IMMP2L: variants seen among roughly 807,000 people sequenced by gnomAD.
The protein encoded by IMMP2L is mitochondrial inner membrane protease subunit 2.
In IMMP2L, 18 loss-of-function variants were observed where a neutral mutation model predicts 19.3. That is an observed-to-expected ratio of 0.93 (90% CI 0.64 to 1.38). IMMP2L has a LOEUF of 1.38. Ranked by LOEUF, IMMP2L falls within the 40% of genes most tolerant of loss-of-function variation. The pLI, the probability that IMMP2L is intolerant of heterozygous loss-of-function variation, is 0.00. For missense variants in IMMP2L, 233 were observed against 218.2 expected (o/e 1.07, Z -0.43); for synonymous variants, 76 against 73.0 (o/e 1.04, Z -0.21).
intron 3 of IMMP2L, among the ~76,000 whole-genome samples, chr7:111,284,654 T>C (rs546236110): frequency 6.6e-6 from 1 of 152,172 alleles, no homozygotes; most frequent in South Asian, 2.1e-4. Context: ...TTTAAAAATT[T>C]CACAAATAAG....
chr7:111,110,242 G>A (rs1437834545), intron 3 of IMMP2L, among the ~76,000 whole-genome samples: 1 of 152,138 alleles, frequency 6.6e-6, no homozygotes, highest in East Asian at 1.9e-4. Flanking sequence ...CATCATTAGG[G>A]AAAATGATAT....
At chr7:111,056,933 C>T (rs1301735399) in intron 3 of IMMP2L, among the ~76,000 whole-genome samples, 2 of 151,884 alleles carry the variant, frequency 1.3e-5, no homozygotes, top group African/African-American at 4.8e-5. Flanking sequence ...GCAGTTCAGC[C>T]CTGTGTTGCT....
At chr7:110,679,261 G>A (rs1402693018) in intron 5 of IMMP2L, among the ~76,000 whole-genome samples, 2 of 152,058 alleles carry the variant, frequency 1.3e-5, no homozygotes, top group African/African-American at 4.8e-5. Flanking sequence ...TCAAATCACT[G>A]GAGTTGAAGT....
At chr7:111,468,957 G>A (rs895768464) in intron 3 of IMMP2L, among the ~76,000 whole-genome samples, 1 of 152,108 alleles carries the variant, frequency 6.6e-6, no homozygotes, top group African/African-American at 2.4e-5. Context: ...TGAGAAGTCT[G>A]AGGAATATCA....
chr7:111,138,479 G>C (rs1802559564), intron 3 of IMMP2L, among the ~76,000 whole-genome samples: 1 of 152,124 alleles, frequency 6.6e-6, no homozygotes, highest in African/African-American at 2.4e-5. Context: ...CTTTAGTTGT[G>C]GTAGCTACTT....
chr7:111,036,969 A>T (rs898067209), intron 3 of IMMP2L, among the ~76,000 whole-genome samples: 1 of 152,196 alleles, frequency 6.6e-6, no homozygotes, highest in African/African-American at 2.4e-5. Flanking sequence ...TGCAACAGAA[A>T]AAATAAGCAT....
At chr7:111,309,633 T>C (rs913871458) in intron 3 of IMMP2L, among the ~76,000 whole-genome samples, 7 of 152,112 alleles carry the variant, frequency 4.6e-5, no homozygotes, top group African/African-American at 1.7e-4. Context: ...TGTATTTGGA[T>C]GAAAAAAAGA....
At chr7:111,214,764 A>G (rs1381901180) in intron 3 of IMMP2L, among the ~76,000 whole-genome samples, 1 of 149,310 alleles carries the variant, frequency 6.7e-6, no homozygotes, top group Non-Finnish European at 1.5e-5. Context: ...TGTGTAGATT[A>G]TCCAGAGCTC....
rs564022847 is a variant in IMMP2L, at chr7:111,342,592, A to T, written c.239+144646T>A. ...GGCGACAGAGTGAGACTCCATCTCA[A>T]AAAAAAAGAATAAAGGTCATATACA... is the stretch of plus-strand genomic sequence containing the variant. On this transcript the variant is annotated intron_variant, in intron 3 of 5. Coordinates refer to ENST00000405709, the MANE Select transcript of IMMP2L (RefSeq NM_032549.4). 8.6e-3 allele frequency among the ~76,000 whole-genome samples: 1,310 copies of T among 151,996 alleles called. 23 individuals carry two copies. The highest frequency in any genetic ancestry group is 0.03 in the African/African-American group (1,236 of 41,442).
intron 5 of IMMP2L, among the ~76,000 whole-genome samples, chr7:110,842,701 A>G (rs980955915): frequency 1.3e-5 from 2 of 152,214 alleles, no homozygotes; most frequent in African/African-American, 4.8e-5. Flanking sequence ...ATATGACGGC[A>G]TTTGCAAAAG....
At position 111,423,562 on chromosome 7, in the gene IMMP2L, C is replaced by T. The variant is rs573394601; in HGVS notation, c.239+63676G>A. 3.5e-4 allele frequency among the ~76,000 whole-genome samples: 53 copies of T among 151,688 alleles called. No homozygotes were observed. In the East Asian group the frequency reaches 8.3e-3, roughly 24 times the overall value. The stretch of plus-strand genomic sequence containing the variant: ...TATTTCTGTGGGATAGGTGGTTATA[C>T]CCCCTTTATCATTTTTTATTGTGTC... On this transcript the variant is annotated intron_variant, in intron 3 of 5. Transcript: ENST00000405709.
chr7:110,945,856 T>C (rs1239893009), intron 4 of IMMP2L, among the ~76,000 whole-genome samples: 1 of 152,148 alleles, frequency 6.6e-6, no homozygotes, highest in African/African-American at 2.4e-5. Flanking sequence ...CACCATGGTG[T>C]GTTTTCCCAC....
chr7:110,787,857 C>CAA (rs61235379), intron 5 of IMMP2L, among the ~76,000 whole-genome samples: 24 of 150,872 alleles, frequency 1.6e-4, no homozygotes, highest in African/African-American at 3.9e-4. Context: ...CCAGGAAGGA[C>CAA]AAAAAAAACA....
intron 3 of IMMP2L, among the ~76,000 whole-genome samples, chr7:111,305,397 C>T (rs1485283640): frequency 6.6e-6 from 1 of 152,138 alleles, no homozygotes; most frequent in African/African-American, 2.4e-5. Flanking sequence ...GGCGCGATCT[C>T]AGCTCACTGC....
intron 3 of IMMP2L, among the ~76,000 whole-genome samples, chr7:111,062,527 C>T (rs188974149): frequency 2.6e-5 from 4 of 152,232 alleles, no homozygotes; most frequent in East Asian, 3.9e-4. Flanking sequence ...CCCAACAGTC[C>T]CCTAAAGTCT....
intron 3 of IMMP2L, among the ~76,000 whole-genome samples, chr7:111,062,894 TG>T (rs1271935810): frequency 6.6e-6 from 1 of 152,232 alleles, no homozygotes; most frequent in East Asian, 1.9e-4. Flanking sequence ...GCCCTCCTCC[TG>T]GCTGCTTTCA....
At chr7:111,306,483 C>T (rs1172094068) in intron 3 of IMMP2L, among the ~76,000 whole-genome samples, 1 of 152,036 alleles carries the variant, frequency 6.6e-6, no homozygotes, top group African/African-American at 2.4e-5. Flanking sequence ...AAAATTATGT[C>T]TATTTAAAAA....
At chr7:111,152,489 A>G (rs368437117) in intron 3 of IMMP2L, among the ~76,000 whole-genome samples, 6 of 152,308 alleles carry the variant, frequency 3.9e-5, no homozygotes, top group African/African-American at 9.6e-5. Context: ...GCAACTTCTT[A>G]GTAGAACAAA....
At chr7:111,262,977 G>A in intron 3 of IMMP2L, among the ~76,000 whole-genome samples, 1 of 152,120 alleles carries the variant, frequency 6.6e-6, no homozygotes, top group South Asian at 2.1e-4. Flanking sequence ...TGTTTGCTCA[G>A]AGAGGAAGAG....
Sources: gnomAD v4.1 joint callset for allele counts (sites outside exome capture counted in the v4.1 genomes callset) on GRCh38, gnomAD v4.1.1 for gene constraint, MANE v1.5 for transcripts, NCBI Gene and HGNC (gene_info 2026-07-23, HGNC 2026-07-21) for gene names.